ST13: variants seen among roughly 807,000 people sequenced by gnomAD.
ST13 encodes ST13 Hsp70 interacting protein.
ST13 carries 23 observed loss-of-function variants against 56.7 expected under a neutral mutation model. The observed-to-expected ratio is 0.41, with a 90% CI of 0.29 to 0.57. ST13 has a LOEUF of 0.57. ST13 is among the 20% of genes least tolerant of loss of function. The probability of loss-of-function intolerance (pLI) is 0.36; values close to 1 mark genes in which losing one functional copy is unlikely to be tolerated. For synonymous variants in ST13, 132 were observed against 142.4 expected (o/e 0.93, Z 0.52); for missense variants, 369 against 459.9 (o/e 0.80, Z 1.81).
chr22:40,845,820 T>C (rs535581187), intron 3 of ST13, among the ~76,000 whole-genome samples: 1 of 152,146 alleles, frequency 6.6e-6, no homozygotes, highest in East Asian at 1.9e-4. Flanking sequence ...AAAAAAAATT[T>C]AAAATCACCC....
chr22:40,836,363 C>T (rs373683719), intron 5 of ST13, among the ~76,000 whole-genome samples: 354 of 152,172 alleles, frequency 2.3e-3, no homozygotes, highest in Non-Finnish European at 4.1e-3. Context: ...AGGAGTGGCG[C>T]GAACCCGGGA....
At position 40,847,378 on chromosome 22, in the gene ST13, C is replaced by CAA. The variant is rs71200623; in HGVS notation, c.244+914_244+915dup. Reference sequence around the variant, plus strand: ...GCAACATGGCAAAACCCTGTCTCTACAAAAAAAAAAAAATACAAAAATTAG... The same window carrying CAA: ...GCAACATGGCAAAACCCTGTCTCTACAAAAAAAAAAAAAAATACAAAAATTAG... On this transcript the variant is annotated intron_variant, in intron 3 of 11. Transcript: ENST00000216218. Among the ~76,000 whole-genome samples the CAA allele has an allele frequency of 4.9e-3, 637 of 130,620 alleles. 3 individuals carry two copies. The highest frequency in any genetic ancestry group is 0.016 in the African/African-American group (588 of 36,244). The allele number at this position is 130,620 out of a possible 152,430, so 85.7% of individuals were successfully genotyped here.
intron 4 of ST13, 145 bp from the exon 5 acceptor site, chr22:40,840,837 A>G (rs989590094): frequency 3.5e-5 from 23 of 658,524 alleles, no homozygotes; most frequent in East Asian, 2.0e-4. Flanking sequence ...GACAATTATG[A>G]TAACTCATTA....
intron 3 of ST13, among the ~76,000 whole-genome samples, chr22:40,846,598 GA>G (rs2057832517): frequency 6.6e-6 from 1 of 152,196 alleles, no homozygotes; most frequent in Non-Finnish European, 1.5e-5. Flanking sequence ...GAAACTGGTA[GA>G]AAGTAAGACT....
At chr22:40,831,188 A>T (rs2057752263) in intron 8 of ST13, among the ~76,000 whole-genome samples, 1 of 152,240 alleles carries the variant, frequency 6.6e-6, no homozygotes, top group African/African-American at 2.4e-5. Context: ...GAAATGTTAT[A>T]ATCTCAAACA....
chr22:40,836,460 A>C (rs900801130), intron 5 of ST13, among the ~76,000 whole-genome samples: 10 of 152,138 alleles, frequency 6.6e-5, no homozygotes, highest in Non-Finnish European at 1.5e-4. Context: ...TAAAAATAAA[A>C]ATAAAAGAAA....
At chr22:40,832,769 A>G in intron 7 of ST13, 98 bp from the exon 8 acceptor site, 1 of 896,956 alleles carries the variant, frequency 1.1e-6, no homozygotes. Context: ...GTTCTAAAAC[A>G]GGCTTAAGTT....
chr22:40,836,603 G>C lies in ST13; in HGVS notation c.383-716C>G, dbSNP rs9611425. ...AAGTAACCCATGTTAACTTCACAGG[G>C]CTGATTTTAAAAGAAAACAACAATA... On this transcript the variant is annotated intron_variant, in intron 5 of 11. Transcript: ENST00000216218. 6.4e-3 allele frequency among the ~76,000 whole-genome samples: 975 copies of C among 152,000 alleles called. 5 individuals are homozygous for C. The highest frequency in any genetic ancestry group is 0.011 in the Non-Finnish European group (739 of 67,990).
At position 40,844,830 on chromosome 22, in the gene ST13, C is replaced by T. The variant is rs199795753; in HGVS notation, c.315+9G>A. Reference sequence around the variant, plus strand: ...TAGAACAAGCAGGAAATCAAGTCACCGAACTTACCTCCGCATTTTCATCTC... The same window carrying T: ...TAGAACAAGCAGGAAATCAAGTCACTGAACTTACCTCCGCATTTTCATCTC... On this transcript the variant is annotated intron_variant, in intron 4 of 11. Transcript: ENST00000216218. The T allele has an allele frequency of 3.3e-4, 535 of 1,610,852 alleles. No individual in the cohort carries two copies. The highest frequency in any genetic ancestry group is 4.4e-4 in the Non-Finnish European group (521 of 1,177,614).
At chr22:40,831,510 G>A (rs370272374) in intron 8 of ST13, among the ~76,000 whole-genome samples, 1 of 152,256 alleles carries the variant, frequency 6.6e-6, no homozygotes, top group Middle Eastern at 3.4e-3. Flanking sequence ...TAAATGCTCT[G>A]GATGTTATTT....
At chr22:40,842,090 A>T (rs1012567639) in intron 4 of ST13, among the ~76,000 whole-genome samples, 2 of 152,212 alleles carry the variant, frequency 1.3e-5, no homozygotes, top group African/African-American at 2.4e-5. Context: ...TTCCCCTGAA[A>T]ATTCAGAGCC....
At chr22:40,830,988 G>A (rs371894803) in intron 8 of ST13, 32 bp from the exon 9 acceptor site, 7 of 1,384,936 alleles carry the variant, frequency 5.1e-6, no homozygotes, top group South Asian at 4.7e-5. Flanking sequence ...AAATAAGCTT[G>A]CTCCAAAAGC....
At chr22:40,849,251 G>A (rs1050555867) in intron 2 of ST13, among the ~76,000 whole-genome samples, 6 of 152,048 alleles carry the variant, frequency 3.9e-5, no homozygotes, top group Non-Finnish European at 5.9e-5. Flanking sequence ...TCCGAGGTGG[G>A]TGGATCACGA....
intron 10 of ST13, among the ~76,000 whole-genome samples, chr22:40,828,448 CAA>C (rs35951111): frequency 0.022 from 2,951 of 135,282 alleles, 81 homozygotes; most frequent in African/African-American, 0.067. Flanking sequence ...ACTAAAAATA[CAA>C]AAAAAAAAAA....
chr22:40,856,331 G>A lies in ST13; in HGVS notation c.110+100C>T, dbSNP rs748079724. ...CCCTTTCCCGGGCAAAGAAGGGGCA[G>A]CGACCCCGCCTCGCCCGCCGGACCG... On this transcript the variant is annotated intron_variant, in intron 1 of 11. Coordinates refer to ENST00000216218, the MANE Select transcript of ST13 (RefSeq NM_003932.5). 13 of 1,042,026 alleles carry A rather than the reference G, an allele frequency of 1.2e-5. No individual in the cohort carries two copies. In the Admixed American group the frequency reaches 1.5e-4, roughly 12 times the overall value. 64.5% of individuals were successfully genotyped at this position (1,042,026 alleles called of 1,614,324 possible).
chr22:40,840,659 T>G lies in ST13; in HGVS notation c.349A>C (p.Lys117Gln). The G allele has an allele frequency of 6.2e-6, 10 of 1,611,182 alleles. No homozygotes were observed. Among genetic ancestry groups the G allele is most frequent in the Non-Finnish European group, 8.5e-6 (10 of 1,179,468 alleles). The change falls in exon 5 of 12, where the codon AAA becomes CAA. Residue 117 changes from lysine (K) to glutamine (Q), a missense_variant. This residue lies in a region of ST13 where 169 missense variants were observed against 175.6 expected (regional missense o/e 0.96). Coordinates refer to ENST00000216218, the MANE Select transcript of ST13 (RefSeq NM_003932.5). Reference sequence around the variant, plus strand: ...AGGGCTTCAATAGCAGCCACTTTTTTATCATTTGCCTGATCCATCATCTCC... The same window carrying G: ...AGGGCTTCAATAGCAGCCACTTTTTGATCATTTGCCTGATCCATCATCTCC... The part of the protein sequence containing the change: ...TEEMMDQAND[K>Q]KVAAIEALND...
chr22:40,827,048 G>A (rs200393025), intron 11 of ST13, 48 bp downstream of exon 11: 10 of 1,585,782 alleles, frequency 6.3e-6, no homozygotes, highest in Non-Finnish European at 1.7e-6. Flanking sequence ...AATTATGAAA[G>A]AATTGCCTTA....
chr22:40,852,440 T>C (rs2057866475), intron 1 of ST13, among the ~76,000 whole-genome samples: 1 of 152,258 alleles, frequency 6.6e-6, no homozygotes, highest in African/African-American at 2.4e-5. Flanking sequence ...CAGCTTTATG[T>C]GTTGCAAATA....
At chr22:40,845,371 G>A (rs1258448507) in intron 3 of ST13, among the ~76,000 whole-genome samples, 4 of 151,776 alleles carry the variant, frequency 2.6e-5, no homozygotes, top group Non-Finnish European at 5.9e-5. Context: ...TAATTTTGGG[G>A]GGGGCACAGG....
Sources: gnomAD v4.1 joint callset for allele counts (sites outside exome capture counted in the v4.1 genomes callset) on GRCh38, gnomAD v4.1.1 for gene constraint, gnomAD v4.1.1 regional missense constraint, MANE v1.5 for transcripts, NCBI Gene and HGNC (gene_info 2026-07-23, HGNC 2026-07-21) for gene names.